Variants in GPHN observed in about 807,000 individuals in gnomAD.
GPHN encodes gephyrin.
A neutral mutation model predicts 95.5 loss-of-function variants in GPHN; 17 were observed. The observed-to-expected ratio is 0.18, with a 90% confidence interval of 0.12 to 0.27. The LOEUF (loss-of-function observed/expected upper bound fraction) is 0.27. Among genes scored for constraint, GPHN ranks in the 10% least tolerant of loss-of-function variants. The pLI is 1.00. For missense variants in GPHN, 660 were observed against 978.1 expected (o/e 0.67, Z 4.34); for synonymous variants, 320 against 322.5 (o/e 0.99, Z 0.08).
intron 2 of GPHN, among the ~76,000 whole-genome samples, chr14:66,687,465 T>G (rs2067452933): frequency 6.6e-6 from 1 of 151,690 alleles, no homozygotes; most frequent in Admixed American, 6.6e-5. Flanking sequence ...CAATATTACT[T>G]CTTTTTCTTT....
At chr14:67,648,163 C>T in the GPHN span, 1 of 1,613,912 alleles carries the variant, frequency 6.2e-7, no homozygotes, top group Non-Finnish European at 8.5e-7. Context: ...ATGTATATTG[C>T]TGAGGAAATA....
chr14:67,691,553 G>A, the GPHN span: 1 of 243,088 alleles, frequency 4.1e-6, no homozygotes, highest in African/African-American at 2.3e-5. Context: ...GACTTCCCAA[G>A]CTGAATGGAA....
intron 2 of GPHN, among the ~76,000 whole-genome samples, chr14:66,720,698 A>G (rs1374726825): frequency 1.3e-5 from 2 of 152,182 alleles, no homozygotes; most frequent in Non-Finnish European, 2.9e-5. Context: ...TTTCAATTTT[A>G]TTTATAAAAA....
the GPHN span, among the ~76,000 whole-genome samples, chr14:67,310,459 G>A: frequency 6.6e-6 from 1 of 152,172 alleles, no homozygotes; most frequent in Non-Finnish European, 1.5e-5. Flanking sequence ...GAGGGGATGG[G>A]ATGGGTAGTG....
chr14:67,232,391 C>T, the GPHN span, among the ~76,000 whole-genome samples: 75 of 152,328 alleles, frequency 4.9e-4, no homozygotes, highest in African/African-American at 1.6e-3. Flanking sequence ...GTGAGTGAGA[C>T]TCCTGGAGGC....
At chr14:67,215,528 C>A in the GPHN span, among the ~76,000 whole-genome samples, 1 of 151,226 alleles carries the variant, frequency 6.6e-6, no homozygotes, top group Middle Eastern at 3.4e-3. Context: ...ACAACAACAA[C>A]AACAGGAGAG....
intron 10 of GPHN, among the ~76,000 whole-genome samples, chr14:67,026,189 T>C (rs1055321525): frequency 6.6e-6 from 1 of 152,204 alleles, no homozygotes; most frequent in Non-Finnish European, 1.5e-5. Flanking sequence ...GGTAATAACT[T>C]GTTCAGAAAG....
intron 1 of GPHN, among the ~76,000 whole-genome samples, chr14:66,559,733 CTTTAG>C (rs1396635159): frequency 6.6e-6 from 1 of 151,518 alleles, no homozygotes; most frequent in African/African-American, 2.4e-5. Context: ...TGCAGAAGCT[CTTTAG>C]TTTAATTAGA....
chr14:66,646,496 C>T (rs573835148), intron 1 of GPHN, among the ~76,000 whole-genome samples: 2 of 151,982 alleles, frequency 1.3e-5, no homozygotes, highest in South Asian at 4.2e-4. Flanking sequence ...TACTGATATG[C>T]CCATGTTCAT....
At chr14:67,028,636 A>G (rs1412923541) in intron 10 of GPHN, among the ~76,000 whole-genome samples, 2 of 152,118 alleles carry the variant, frequency 1.3e-5, no homozygotes, top group Non-Finnish European at 2.9e-5. Flanking sequence ...GCATTTTTTC[A>G]TATACCTATT....
rs192325179 is a variant in GPHN at position 66,976,917 on chromosome 14, G to T, written c.963+11592G>T. Among the ~76,000 whole-genome samples the T allele has an allele frequency of 2.1e-4, 16 of 77,924 alleles. No homozygotes were observed. In the East Asian group the frequency reaches 9.8e-3, roughly 48 times the overall value. 51.1% of individuals were successfully genotyped at this position (77,924 alleles called of 152,430 possible). Reference sequence around the variant, plus strand: ...AATACATGCAGCACAGAAATATGTGGGGGGGGGGGGAGTACACTCTCACTA... The same window carrying T: ...AATACATGCAGCACAGAAATATGTGTGGGGGGGGGGAGTACACTCTCACTA... On this transcript the variant is annotated intron_variant, in intron 9 of 22. Coordinates refer to ENST00000478722, the MANE Select transcript of GPHN (RefSeq NM_020806.5).
At chr14:66,538,394 C>G (rs2059219713) in intron 1 of GPHN, among the ~76,000 whole-genome samples, 1 of 151,222 alleles carries the variant, frequency 6.6e-6, no homozygotes, top group South Asian at 2.1e-4. Flanking sequence ...ACCCCAATCT[C>G]TCTCTCCTCT....
chr14:66,539,084 GC>G (rs2059250640), intron 1 of GPHN, among the ~76,000 whole-genome samples: 1 of 152,116 alleles, frequency 6.6e-6, no homozygotes, highest in African/African-American at 2.4e-5. Flanking sequence ...CTTCTCCACA[GC>G]CCTGAAAGAC....
chr14:67,451,955 G>A, the GPHN span, among the ~76,000 whole-genome samples: 3 of 152,210 alleles, frequency 2.0e-5, no homozygotes, highest in Admixed American at 2.0e-4. Flanking sequence ...CCTGGTGAGA[G>A]ATGATTGAAT....
At chr14:67,593,860 T>C in the GPHN span, 1 of 1,612,576 alleles carries the variant, frequency 6.2e-7, no homozygotes, top group Non-Finnish European at 8.5e-7. Flanking sequence ...AATCAATGAT[T>C]AACAGAGTCT....
At chr14:67,142,572 A>G (rs994846758) in intron 17 of GPHN, among the ~76,000 whole-genome samples, 8 of 152,206 alleles carry the variant, frequency 5.3e-5, no homozygotes, top group Non-Finnish European at 2.9e-5. Flanking sequence ...ATCCTATATG[A>G]GTAGTTCATA....
chr14:67,516,956 A>G, the GPHN span, among the ~76,000 whole-genome samples: 1 of 152,232 alleles, frequency 6.6e-6, no homozygotes, highest in Non-Finnish European at 1.5e-5. Context: ...TTGCCTCATC[A>G]TAAATATAGT....
the GPHN span, among the ~76,000 whole-genome samples, chr14:67,231,224 T>G: frequency 6.6e-6 from 1 of 152,196 alleles, no homozygotes; most frequent in African/African-American, 2.4e-5. Flanking sequence ...AAAACTAATT[T>G]ATAAAGACAA....
chr14:66,708,607 A>G lies in GPHN; in HGVS notation c.143+27422A>G, dbSNP rs143247702. On this transcript the variant is annotated intron_variant, in intron 2 of 22. Transcript: ENST00000478722. ...GCATTTCAGTATTTAACACAACATG[A>G]TAAGGAAAGAATATAAAAAGATTTC... Among the ~76,000 whole-genome samples, 3 of 152,292 alleles carry G rather than the reference A, an allele frequency of 2.0e-5. No individual in the cohort carries two copies. In the East Asian group the frequency reaches 5.8e-4, roughly 29 times the overall value.
Sources: allele counts gnomAD v4.1 joint callset (sites outside exome capture counted in the v4.1 genomes callset), GRCh38; gene constraint gnomAD v4.1.1; transcripts MANE v1.5; gene names NCBI Gene and HGNC (gene_info 2026-07-23, HGNC 2026-07-21).